The following NUDCD3 variants were observed in gnomAD, a reference collection of about 807,000 sequenced individuals.
NUDCD3 encodes NudC domain containing 3.
NUDCD3 carries 13 observed loss-of-function variants against 39.7 expected under a neutral mutation model. That is an observed-to-expected ratio of 0.33 (90% CI 0.21 to 0.52). The LOEUF (loss-of-function observed/expected upper bound fraction) is 0.52, where lower values mean the gene tolerates loss of function less well. Among genes scored for constraint, NUDCD3 ranks in the 20% least tolerant of loss-of-function variants. The pLI is 0.96. For synonymous variants in NUDCD3, 175 were observed against 172.4 expected (o/e 1.02, Z -0.12); for missense variants, 453 against 458.1 (o/e 0.99, Z 0.10).
chr7:44,467,994 G>A (rs371412019), intron 2 of NUDCD3: 91 of 1,612,408 alleles, frequency 5.6e-5, no homozygotes, highest in South Asian at 1.3e-4. Flanking sequence ...AAAATTAAGC[G>A]TAACTGGCGG....
In NUDCD3 at chr7:44,398,060, G is replaced by C. The variant is rs1052933185; in HGVS notation, c.787-5575C>G. ...TTCACTCAGGTTACCTGGCCAAAGG[G>C]AGGTCTGACTTCTCCACTGTAGTTA... On this transcript the variant is annotated intron_variant, in intron 4 of 5. Transcript: ENST00000355451. Among the ~76,000 whole-genome samples the C allele has an allele frequency of 3.3e-5, 5 of 152,100 alleles. 1 individual carries two copies. In the South Asian group the frequency reaches 1.0e-3, roughly 32 times the overall value.
intron 2 of NUDCD3, among the ~76,000 whole-genome samples, chr7:44,451,625 T>C (rs1244142141): frequency 1.3e-5 from 2 of 151,894 alleles, no homozygotes; most frequent in Admixed American, 1.3e-4. Context: ...AGGATGGGAA[T>C]GGAGGTGGAA....
intron 4 of NUDCD3, among the ~76,000 whole-genome samples, chr7:44,395,354 G>A (rs1013683432): frequency 1.3e-5 from 2 of 152,198 alleles, no homozygotes; most frequent in African/African-American, 2.4e-5. Context: ...GGTATTTTAT[G>A]AGGAGATGTG....
intron 2 of NUDCD3, among the ~76,000 whole-genome samples, chr7:44,463,553 G>A (rs747469685): frequency 1.3e-5 from 2 of 152,180 alleles, no homozygotes; most frequent in Non-Finnish European, 2.9e-5. Flanking sequence ...ACCTAAAGAA[G>A]TGATGCTGCA....
chr7:44,398,618 G>A (rs533293686), intron 4 of NUDCD3, among the ~76,000 whole-genome samples: 3 of 152,246 alleles, frequency 2.0e-5, no homozygotes, highest in South Asian at 4.2e-4. Flanking sequence ...CCCAATCTGC[G>A]CTGATGACTC....
At chr7:44,416,614 C>G (rs983195446) in intron 3 of NUDCD3, among the ~76,000 whole-genome samples, 1 of 152,128 alleles carries the variant, frequency 6.6e-6, no homozygotes, top group African/African-American at 2.4e-5. Context: ...AAGCATGCCA[C>G]CAAGGCAGGT....
Position 44,464,230 on chromosome 7 carries a change from GAAAAA to G in NUDCD3, c.509+20733_509+20737del, listed in dbSNP as rs1284978135. On this transcript the variant is annotated intron_variant, in intron 2 of 5. Transcript: ENST00000355451. ...CCCCATCTCAAAAAAAAAAAAAAAA[GAAAAA>G]GAAAACGAAGCAAGAATCGTTTCCC... Among the ~76,000 whole-genome samples the G allele has an allele frequency of 2.1e-5, 3 of 143,790 alleles. No individual in the cohort carries two copies. The East Asian group carries it at 6.1e-4, about 29-fold the overall frequency. The allele number at this position is 143,790 out of a possible 152,430, so 94.3% of individuals were successfully genotyped here. A position where few individuals can be genotyped will look rare whatever the true frequency, so the allele number is the denominator to read the frequency against.
At chr7:44,410,535 G>T (rs927869597) in intron 3 of NUDCD3, among the ~76,000 whole-genome samples, 3 of 152,108 alleles carry the variant, frequency 2.0e-5, no homozygotes, top group African/African-American at 7.2e-5. Flanking sequence ...GTGGTGGCGG[G>T]TGCCTGTAGT....
At chr7:44,386,341 G>T (rs1345827247) in intron 5 of NUDCD3, among the ~76,000 whole-genome samples, 1 of 152,226 alleles carries the variant, frequency 6.6e-6, no homozygotes, top group Non-Finnish European at 1.5e-5. Flanking sequence ...CTGCTCCACA[G>T]ACTGAATTTC....
intron 2 of NUDCD3, among the ~76,000 whole-genome samples, chr7:44,434,178 C>T (rs1200344805): frequency 1.3e-5 from 2 of 152,180 alleles, no homozygotes; most frequent in Non-Finnish European, 2.9e-5. Flanking sequence ...CTCCTGAGAG[C>T]TCGTCCACTC....
chr7:44,448,984 T>C (rs913350984), intron 2 of NUDCD3, among the ~76,000 whole-genome samples: 6 of 152,088 alleles, frequency 3.9e-5, no homozygotes, highest in African/African-American at 1.2e-4. Context: ...AGCTGGTAGA[T>C]CTACAGAACA....
At chr7:44,412,103 C>T (rs1282116495) in intron 3 of NUDCD3, among the ~76,000 whole-genome samples, 1 of 152,242 alleles carries the variant, frequency 6.6e-6, no homozygotes, top group African/African-American at 2.4e-5. Context: ...AACTCTACCA[C>T]TGAGGCCCCT....
At chr7:44,444,238 T>C (rs758985374) in intron 2 of NUDCD3, among the ~76,000 whole-genome samples, 18 of 152,120 alleles carry the variant, frequency 1.2e-4, no homozygotes, top group Non-Finnish European at 2.1e-4. Flanking sequence ...ATAGGAGGCA[T>C]CCTATCACCT....
intron 2 of NUDCD3, among the ~76,000 whole-genome samples, chr7:44,466,488 G>A (rs1800121248): frequency 6.6e-6 from 1 of 152,204 alleles, no homozygotes; most frequent in African/African-American, 2.4e-5. Context: ...GCCTCAGGAA[G>A]GAGGCTGCTA....
intron 4 of NUDCD3, among the ~76,000 whole-genome samples, chr7:44,396,916 T>C (rs1424615073): frequency 6.6e-6 from 1 of 152,214 alleles, no homozygotes; most frequent in Non-Finnish European, 1.5e-5. Flanking sequence ...AAATAACACC[T>C]CTGATAAAGT....
At chr7:44,412,237 T>C (rs978784021) in intron 3 of NUDCD3, among the ~76,000 whole-genome samples, 1 of 152,258 alleles carries the variant, frequency 6.6e-6, no homozygotes, top group Non-Finnish European at 1.5e-5. Flanking sequence ...CCACGTGTAC[T>C]GAGCATAATT....
At chr7:44,490,087 C>A (rs1165617126) in intron 1 of NUDCD3, 5 of 246,944 alleles carry the variant, frequency 2.0e-5, no homozygotes, top group Non-Finnish European at 3.9e-5. Flanking sequence ...AAATGTCCTT[C>A]CTTCTGTCTG....
Position 44,381,358 on chromosome 7 carries a change from G to C in NUDCD3, c.*4653C>G, listed in dbSNP as rs1798302359. Reference sequence around the variant, plus strand: ...GCAGATGGTCTTGCTCTTTGGTTCTGGGGAGGAGCGCAAAGTGACTGGGCT... The same window carrying C: ...GCAGATGGTCTTGCTCTTTGGTTCTCGGGAGGAGCGCAAAGTGACTGGGCT... On this transcript the variant is annotated 3_prime_UTR_variant, in exon 6 of 6. Coordinates refer to ENST00000355451, the MANE Select transcript of NUDCD3 (RefSeq NM_015332.4). 2.0e-5 allele frequency: 3 copies of C among 152,332 alleles called. No individual in the cohort carries two copies. Among genetic ancestry groups the C allele is most frequent in the South Asian group, 4.1e-4 (2 of 4,826 alleles). 9.4% of individuals were successfully genotyped at this position (152,332 alleles called of 1,614,324 possible). A position where few individuals can be genotyped will look rare whatever the true frequency, so the allele number is the denominator to read the frequency against.
chr7:44,467,682 C>T (rs1041177423), intron 2 of NUDCD3, among the ~76,000 whole-genome samples: 1 of 152,054 alleles, frequency 6.6e-6, no homozygotes, highest in Non-Finnish European at 1.5e-5. Context: ...TCCATAAATA[C>T]TTGCTGAATC....
Sources: gnomAD v4.1 joint callset for allele counts (sites outside exome capture counted in the v4.1 genomes callset) on GRCh38, gnomAD v4.1.1 for gene constraint, MANE v1.5 for transcripts, NCBI Gene and HGNC (gene_info 2026-07-23, HGNC 2026-07-21) for gene names.